Variants in CGNL1 observed in about 807,000 individuals in gnomAD.
The protein encoded by CGNL1 is cingulin-like protein 1.
In CGNL1, 132 loss-of-function variants were observed where a neutral mutation model predicts 141.2. The observed-to-expected ratio is 0.93, with a 90% confidence interval of 0.81 to 1.08. CGNL1 has a LOEUF of 1.08. CGNL1 is among the 50% of genes least tolerant of loss of function. CGNL1 has a pLI of 0.00. For missense variants in CGNL1, 1,870 were observed against 1,588.6 expected (o/e 1.18, Z -3.01); for synonymous variants, 690 against 622.1 (o/e 1.11, Z -1.63).
At position 57,439,450 on chromosome 15, in the gene CGNL1, C is replaced by G. The variant is rs753036039; in HGVS notation, c.1451C>G (p.Ala484Gly). 9 of 1,614,206 alleles carry G rather than the reference C, an allele frequency of 5.6e-6. No individual in the cohort carries two copies. Among genetic ancestry groups the G allele is most frequent in the Non-Finnish European group, 7.6e-6 (9 of 1,180,050 alleles). The change falls in exon 2 of 19, where the codon GCG becomes GGG. Residue 484 changes from alanine to glycine, a missense_variant. Ala to Gly is a moderately conservative substitution (Grantham distance 60). Transcript: ENST00000281282. ...AGTCAGGAAAGTACAGTGATCCGTG[C>G]GCCCTCCCTTGGTGCACAGAGTAAA... ...EGSQESTVIR[A>G]PSLGAQSKKE...
At chr15:57,520,602 C>T (rs1181031218) in intron 10 of CGNL1, among the ~76,000 whole-genome samples, 2 of 152,198 alleles carry the variant, frequency 1.3e-5, no homozygotes, top group African/African-American at 2.4e-5. Flanking sequence ...GCACTTAAGG[C>T]AAGGCATCTA....
chr15:57,526,202 G>T (rs1181134693), intron 12 of CGNL1, among the ~76,000 whole-genome samples: 3 of 151,712 alleles, frequency 2.0e-5, no homozygotes, highest in Non-Finnish European at 4.4e-5. Context: ...AGGATTCCTT[G>T]CAAGGAAAAT....
intron 8 of CGNL1, among the ~76,000 whole-genome samples, chr15:57,513,817 C>A (rs1441371078): frequency 1.3e-5 from 2 of 152,138 alleles, no homozygotes. Context: ...TCACTGTGCC[C>A]GGTCCCTTGT....
intron 8 of CGNL1, among the ~76,000 whole-genome samples, chr15:57,498,608 A>G (rs887025307): frequency 2.0e-5 from 3 of 152,170 alleles, no homozygotes; most frequent in Non-Finnish European, 4.4e-5. Flanking sequence ...AAATGGATGC[A>G]TGCTGTCTAT....
chr15:57,496,589 G>T (rs1268126707), intron 8 of CGNL1, among the ~76,000 whole-genome samples: 1 of 152,166 alleles, frequency 6.6e-6, no homozygotes, highest in African/African-American at 2.4e-5. Context: ...GGGGACTGCT[G>T]CTTTACTCCA....
chr15:57,440,942 C>T (rs1292119227), intron 3 of CGNL1, among the ~76,000 whole-genome samples: 1 of 151,938 alleles, frequency 6.6e-6, no homozygotes, highest in Non-Finnish European at 1.5e-5. Context: ...GCTTTCCATG[C>T]TTATCTTGGT....
intron 8 of CGNL1, among the ~76,000 whole-genome samples, 186 bp downstream of exon 8, chr15:57,462,078 CTA>C (rs1334876582): frequency 6.6e-6 from 1 of 152,152 alleles, no homozygotes; most frequent in African/African-American, 2.4e-5. Context: ...CTTTTAAAGT[CTA>C]TAAACTGAAA....
At position 57,439,544 on chromosome 15, in the gene CGNL1, T is replaced by A; in HGVS notation, c.1545T>A (p.Pro515=). The A allele has an allele frequency of 1.6e-5, 26 of 1,614,096 alleles. No homozygotes were observed. Among genetic ancestry groups the A allele is most frequent in the Non-Finnish European group, 2.2e-5 (26 of 1,180,018 alleles). Residue 515 remains proline, a synonymous_variant, in exon 2 of 19, where the codon CCT becomes CCA. Coordinates refer to ENST00000281282, the MANE Select transcript of CGNL1 (RefSeq NM_032866.5). ...AGAACCGGGCAACAGCAACTTCGCCTGATTCTGGTGCCAAGAAAATTTCCG... is the reference window on the plus strand; with the variant it reads ...AGAACCGGGCAACAGCAACTTCGCCAGATTCTGGTGCCAAGAAAATTTCCG... The part of the protein sequence containing the change: ...MLQNRATATS[P]DSGAKKISVK...
chr15:57,453,110 T>G (rs1191950630), intron 6 of CGNL1, among the ~76,000 whole-genome samples: 4 of 152,204 alleles, frequency 2.6e-5, no homozygotes, highest in Non-Finnish European at 5.9e-5. Flanking sequence ...TTGTAAACTT[T>G]TTTTTCATCA....
intron 1 of CGNL1, among the ~76,000 whole-genome samples, chr15:57,397,474 G>T (rs2062614986): frequency 6.6e-6 from 1 of 152,094 alleles, no homozygotes; most frequent in Non-Finnish European, 1.5e-5. Context: ...CTAAGACAGG[G>T]TCTTTAAGAT....
intron 8 of CGNL1, among the ~76,000 whole-genome samples, chr15:57,515,436 G>A (rs2030688692): frequency 6.6e-6 from 1 of 152,216 alleles, no homozygotes; most frequent in Non-Finnish European, 1.5e-5. Flanking sequence ...AGCAGTTCTA[G>A]CAGATACTTC....
At chr15:57,419,848 A>C (rs1237291189) in intron 1 of CGNL1, among the ~76,000 whole-genome samples, 1 of 152,192 alleles carries the variant, frequency 6.6e-6, no homozygotes, top group Non-Finnish European at 1.5e-5. Flanking sequence ...GCCCACACAT[A>C]AGAAGTGAGG....
At chr15:57,465,083 G>C (rs1410317526) in intron 8 of CGNL1, among the ~76,000 whole-genome samples, 1 of 152,026 alleles carries the variant, frequency 6.6e-6, no homozygotes. Context: ...GATCCTGATT[G>C]TGTTTTTTCA....
At chr15:57,413,530 T>C (rs1303587377) in intron 1 of CGNL1, among the ~76,000 whole-genome samples, 1 of 150,974 alleles carries the variant, frequency 6.6e-6, no homozygotes, top group Admixed American at 6.6e-5. Context: ...AGGCCATCCA[T>C]CCCCCTCAGC....
rs1331778494 is a variant in CGNL1 at position 57,516,990 on chromosome 15, AGGCTCGCTGGGCCCAGGCCCAGCTTT to A, written c.2610+8_2610+33del. On this transcript the variant is annotated splice_donor_5th_base_variant and intron_variant, in intron 9 of 18. Coordinates refer to ENST00000281282, the MANE Select transcript of CGNL1 (RefSeq NM_032866.5). ...GGAAACGCTGAAGAAGTACGAGGTG[AGGCTCGCTGGGCCCAGGCCCAGCTTT>A]GGCAGCTGCTGCTCCTTCTTTCCTG... 6.2e-7 allele frequency: 1 copy of A among 1,611,884 alleles called. No individual in the cohort carries two copies. The highest frequency in any genetic ancestry group is 8.5e-7 in the Non-Finnish European group (1 of 1,179,204).
At chr15:57,380,786 A>G (rs2062415980) in intron 1 of CGNL1, among the ~76,000 whole-genome samples, 1 of 152,194 alleles carries the variant, frequency 6.6e-6, no homozygotes, top group Admixed American at 6.5e-5. Flanking sequence ...AAGCTCATGG[A>G]GAATGTGGCT....
chr15:57,520,234 G>C (rs148282600), intron 10 of CGNL1, among the ~76,000 whole-genome samples: 1 of 152,150 alleles, frequency 6.6e-6, no homozygotes, highest in African/African-American at 2.4e-5. Flanking sequence ...AAGCACCATC[G>C]CTCTGAAATA....
chr15:57,531,927 G>A (rs1226378155), intron 14 of CGNL1, 148 bp downstream of exon 14: 3 of 564,050 alleles, frequency 5.3e-6, no homozygotes, highest in Non-Finnish European at 3.2e-6. Flanking sequence ...TCACCATAGT[G>A]AGCTTCTAGG....
chr15:57,547,178 G>A (rs527450435), intron 18 of CGNL1, among the ~76,000 whole-genome samples, 177 bp from the exon 19 acceptor site: 8 of 152,298 alleles, frequency 5.3e-5, no homozygotes, highest in African/African-American at 1.4e-4. Flanking sequence ...AAATGGGGGC[G>A]GTGGACTCCC....
Sources: gnomAD v4.1 joint callset for allele counts (sites outside exome capture counted in the v4.1 genomes callset) on GRCh38, gnomAD v4.1.1 for gene constraint, MANE v1.5 for transcripts, NCBI Gene and HGNC (gene_info 2026-07-23, HGNC 2026-07-21) for gene names.